Variants in STK32B observed in about 807,000 individuals in gnomAD.
The protein encoded by STK32B is serine/threonine kinase 32B.
In STK32B, 43 loss-of-function variants were observed where a neutral mutation model predicts 52.6. That is an observed-to-expected ratio of 0.82 (90% CI 0.64 to 1.05). The LOEUF (loss-of-function observed/expected upper bound fraction) is 1.05. Among genes scored for constraint, STK32B ranks in the 50% least tolerant of loss-of-function variants. STK32B has a pLI of 0.00. For synonymous variants in STK32B, 238 were observed against 204.3 expected, an observed-to-expected ratio of 1.17 and a Z score of -1.41; for missense variants, 621 against 534.6, an observed-to-expected ratio of 1.16 and a Z score of -1.59.
At chr4:5,364,207 A>G (rs1252679826) in intron 4 of STK32B, among the ~76,000 whole-genome samples, 1 of 152,244 alleles carries the variant, frequency 6.6e-6, no homozygotes, top group Non-Finnish European at 1.5e-5. Flanking sequence ...CTGCCAGGGT[A>G]CAGCATCTTG....
chr4:5,113,931 C>A (rs1024822647), intron 1 of STK32B, among the ~76,000 whole-genome samples: 2 of 151,406 alleles, frequency 1.3e-5, no homozygotes, highest in African/African-American at 2.4e-5. Context: ...AACCCGCCCC[C>A]CTTTTTAAAA....
chr4:5,228,166 A>G lies in STK32B; in HGVS notation c.260+59716A>G, dbSNP rs1445036211. Among the ~76,000 whole-genome samples the G allele has an allele frequency of 2.0e-5, 3 of 152,224 alleles. No individual in the cohort carries two copies. The East Asian group carries it at 5.8e-4, about 29-fold the overall frequency. On this transcript the variant is annotated intron_variant, in intron 3 of 11. Coordinates refer to ENST00000282908, the MANE Select transcript of STK32B (RefSeq NM_018401.3). ...GTGTTTGTGCAAGATATTCACATAA[A>G]AGGTCATTGGCGATTAGTTGCTGCT...
At chr4:5,311,311 T>C (rs1730274970) in intron 3 of STK32B, among the ~76,000 whole-genome samples, 1 of 152,172 alleles carries the variant, frequency 6.6e-6, no homozygotes, top group Non-Finnish European at 1.5e-5. Flanking sequence ...ACACATTGCA[T>C]ACATGTATCA....
intron 5 of STK32B, among the ~76,000 whole-genome samples, chr4:5,409,808 AT>A (rs1026905893): frequency 6.6e-6 from 1 of 152,078 alleles, no homozygotes; most frequent in Non-Finnish European, 1.5e-5. Flanking sequence ...CAGACAGATG[AT>A]TTTTTAAGGC....
rs1716904804 is a variant in STK32B at position 5,460,021 on chromosome 4, C to T, written c.784-82C>T. On this transcript the variant is annotated intron_variant, in intron 8 of 11. Coordinates refer to ENST00000282908, the MANE Select transcript of STK32B (RefSeq NM_018401.3). The surrounding 1 kb of genome is among the most constrained non-coding windows in gnomAD (Gnocchi z 4.8). ...GTGAAGAGCAGAGGCACATTAATTG[C>T]CCTGAGACCCCCTCCTTCAGAGTCC... The T allele has an allele frequency of 3.7e-6, 6 of 1,600,710 alleles. No individual in the cohort carries two copies. Among genetic ancestry groups the T allele is most frequent in the South Asian group, 1.1e-5 (1 of 90,380 alleles).
At chr4:5,473,930 C>A (rs1560444374) in intron 11 of STK32B, among the ~76,000 whole-genome samples, 1 of 152,186 alleles carries the variant, frequency 6.6e-6, no homozygotes, top group East Asian at 1.9e-4. Flanking sequence ...GACTGGCCAA[C>A]ATGGTGAAGC....
intron 1 of STK32B, among the ~76,000 whole-genome samples, chr4:5,133,521 C>T (rs1159426855): frequency 3.4e-5 from 5 of 148,388 alleles, no homozygotes; most frequent in Non-Finnish European, 7.4e-5. Flanking sequence ...CACAGCACTA[C>T]CTGCCTGGCA....
intron 4 of STK32B, among the ~76,000 whole-genome samples, chr4:5,364,800 G>T (rs1283641244): frequency 6.6e-6 from 1 of 152,156 alleles, no homozygotes; most frequent in Non-Finnish European, 1.5e-5. Flanking sequence ...AGGCCTCCAT[G>T]TGTTCACAAT....
intron 3 of STK32B, among the ~76,000 whole-genome samples, chr4:5,298,177 C>T (rs1025013838): frequency 5.9e-5 from 9 of 152,266 alleles, no homozygotes; most frequent in Non-Finnish European, 1.2e-4. Context: ...AGAGGGCCAC[C>T]GGCCAGATGT....
Position 5,456,891 on chromosome 4 carries a change from T to A in STK32B, c.751T>A (p.Trp251Arg), listed in dbSNP as rs1180104072. The A allele has an allele frequency of 1.3e-6, 2 of 1,588,984 alleles. No individual in the cohort carries two copies. The highest frequency in any genetic ancestry group is 1.7e-6 in the Non-Finnish European group (2 of 1,166,754). The change falls in exon 8 of 12, where the codon TGG becomes AGG. Residue 251 changes from tryptophan (W) to arginine (R), a missense_variant. Coordinates refer to ENST00000282908, the MANE Select transcript of STK32B (RefSeq NM_018401.3). ...GGAGCGTGTCCACTACTCCTCCACGTGGTGCAAGGGGATGGTGGCCCTGCT... is the reference window on the plus strand; with the variant it reads ...GGAGCGTGTCCACTACTCCTCCACGAGGTGCAAGGGGATGGTGGCCCTGCT... ...KVERVHYSSTWCKGMVALLRK... is the reference protein window; with the variant it reads ...KVERVHYSSTRCKGMVALLRK...
At position 5,400,961 on chromosome 4, in the gene STK32B, G is replaced by A. The variant is rs947444676; in HGVS notation, c.472+2717G>A. 1.3e-5 allele frequency among the ~76,000 whole-genome samples: 2 copies of A among 152,136 alleles called. No homozygotes were observed. The highest frequency in any genetic ancestry group is 1.3e-4 in the Admixed American group (2 of 15,280). On this transcript the variant is annotated intron_variant, in intron 5 of 11. Coordinates refer to ENST00000282908, the MANE Select transcript of STK32B (RefSeq NM_018401.3). The surrounding 1 kb of genome is among the most constrained non-coding windows in gnomAD (Gnocchi z 6.1). ...GGTCGGGCAGAGGGGAGAGGGAAAG[G>A]TGTGTGCGGGGTTGTCTTAGAGGCA...
chr4:5,329,370 T>A (rs1221154741), intron 3 of STK32B, among the ~76,000 whole-genome samples: 4 of 152,156 alleles, frequency 2.6e-5, no homozygotes, highest in African/African-American at 9.7e-5. Context: ...TTGTGCAGGT[T>A]GTGGGTACTG....
chr4:5,487,282 C>T (rs1719303928), intron 11 of STK32B, among the ~76,000 whole-genome samples: 1 of 152,118 alleles, frequency 6.6e-6, no homozygotes, highest in Non-Finnish European at 1.5e-5. Flanking sequence ...TATTGATTTC[C>T]ATCTAATTAG....
At chr4:5,130,725 T>C (rs181846299) in intron 1 of STK32B, among the ~76,000 whole-genome samples, 1 of 152,296 alleles carries the variant, frequency 6.6e-6, no homozygotes, top group African/African-American at 2.4e-5. Context: ...TGCTGAGGCC[T>C]GACCCATTCC....
At chr4:5,285,910 AG>A (rs1291534808) in intron 3 of STK32B, among the ~76,000 whole-genome samples, 1 of 152,174 alleles carries the variant, frequency 6.6e-6, no homozygotes, top group Non-Finnish European at 1.5e-5. Context: ...ATTTGGAGAC[AG>A]GTTCTTTAAA....
chr4:5,462,239 CGT>C (rs749533727), intron 9 of STK32B, among the ~76,000 whole-genome samples: 10 of 150,600 alleles, frequency 6.6e-5, no homozygotes, highest in South Asian at 2.1e-4. Flanking sequence ...TGTGTATCTG[CGT>C]GTGTGTGCCT....
chr4:5,472,482 T>C (rs1397910961), intron 11 of STK32B, among the ~76,000 whole-genome samples: 1 of 152,232 alleles, frequency 6.6e-6, no homozygotes, highest in African/African-American at 2.4e-5. Flanking sequence ...GGTCAGGGCT[T>C]TGAAGGCCTT....
intron 4 of STK32B, among the ~76,000 whole-genome samples, chr4:5,376,329 A>G (rs1334801264): frequency 4.6e-5 from 7 of 152,074 alleles, no homozygotes; most frequent in Non-Finnish European, 1.0e-4. Context: ...TATTTACTGT[A>G]TGGCAGGTGC....
chr4:5,287,741 T>G (rs1040550241), intron 3 of STK32B, among the ~76,000 whole-genome samples: 1 of 152,206 alleles, frequency 6.6e-6, no homozygotes, highest in African/African-American at 2.4e-5. Context: ...CATATTGCTT[T>G]GTGGAGGAGG....
Sources: allele counts gnomAD v4.1 joint callset (sites outside exome capture counted in the v4.1 genomes callset), GRCh38; gene constraint gnomAD v4.1.1; non-coding constraint Gnocchi (gnomAD v3.1); transcripts MANE v1.5; gene names NCBI Gene and HGNC (gene_info 2026-07-23, HGNC 2026-07-21).